NRXN1: variants seen among roughly 807,000 people sequenced by gnomAD.
The protein encoded by NRXN1 is neurexin-1.
NRXN1 carries 39 observed loss-of-function variants against 150.9 expected under a neutral mutation model. The observed-to-expected ratio is 0.26, with a 90% CI of 0.20 to 0.34. The LOEUF (loss-of-function observed/expected upper bound fraction) is 0.34, where lower values mean the gene tolerates loss of function less well. Ranked by LOEUF, NRXN1 falls within the 10% of genes least tolerant of loss-of-function variation. The pLI, the probability that NRXN1 is intolerant of heterozygous loss-of-function variation, is 1.00. For synonymous variants in NRXN1, 924 were observed against 757.0 expected, an observed-to-expected ratio of 1.22 and a Z score of -3.62; for missense variants, 1,815 against 1,949.9, an observed-to-expected ratio of 0.93 and a Z score of 1.30.
At chr2:50,286,195 T>C (rs200881017) in intron 17 of NRXN1, among the ~76,000 whole-genome samples, 9 of 152,254 alleles carry the variant, frequency 5.9e-5, no homozygotes, top group East Asian at 5.8e-4. Flanking sequence ...TATTGTTAAC[T>C]GCAGTCACCA....
rs1182626120 is a variant in NRXN1 at position 50,173,455 on chromosome 2, T to C, written c.3546+63334A>G. Reference sequence around the variant, plus strand: ...GACATACAAGACTCCTAACTGGATTTTGAAGATTGAGTACAGTATCCAAAA... The same window carrying C: ...GACATACAAGACTCCTAACTGGATTCTGAAGATTGAGTACAGTATCCAAAA... On this transcript the variant is annotated intron_variant, in intron 18 of 22. Coordinates refer to ENST00000401669, the MANE Select transcript of NRXN1 (RefSeq NM_001330078.2). Among the ~76,000 whole-genome samples the C allele has an allele frequency of 2.8e-4, 43 of 152,184 alleles. 1 individual carries two copies. Among genetic ancestry groups the C allele is most frequent in the Admixed American group, 2.8e-3 (43 of 15,282 alleles).
At chr2:50,553,269 C>T (rs1441929002) in intron 8 of NRXN1, among the ~76,000 whole-genome samples, 1 of 152,222 alleles carries the variant, frequency 6.6e-6, no homozygotes, top group Admixed American at 6.5e-5. Context: ...TGTGCATATA[C>T]ACACAAACTG....
rs532061794 is a variant in NRXN1, at chr2:50,016,935, T to C, written c.4128+36336A>G. Among the ~76,000 whole-genome samples, 21 of 152,094 alleles carry C rather than the reference T, an allele frequency of 1.4e-4. No homozygotes were observed. The South Asian group carries it at 4.1e-3, about 30-fold the overall frequency. On this transcript the variant is annotated intron_variant, in intron 21 of 22. Transcript: ENST00000401669. ...CTTAATAACTGGTAGAACAATAATA[T>C]CCGTAAGTAACAAAGAGCCTGGAAT...
intron 13 of NRXN1, among the ~76,000 whole-genome samples, chr2:50,501,385 A>ATGTGTGTGTG (rs1243086868): frequency 1.4e-5 from 1 of 73,516 alleles, no homozygotes; most frequent in Non-Finnish European, 3.0e-5. Context: ...TGACTCGTGT[A>ATGTGTGTGTG]TGTGTGTGTG....
intron 19 of NRXN1, among the ~76,000 whole-genome samples, chr2:50,079,767 T>C (rs941949622): frequency 6.6e-6 from 1 of 152,096 alleles, no homozygotes; most frequent in Non-Finnish European, 1.5e-5. Context: ...AATTATCTAG[T>C]AAGAGGAGCG....
At chr2:50,328,533 G>A (rs1394971176) in intron 17 of NRXN1, among the ~76,000 whole-genome samples, 1 of 151,968 alleles carries the variant, frequency 6.6e-6, no homozygotes, top group Non-Finnish European at 1.5e-5. Context: ...TCAGGAGTTC[G>A]AGACCAGCCT....
intron 5 of NRXN1, among the ~76,000 whole-genome samples, chr2:50,843,757 C>A (rs1046568996): frequency 1.3e-5 from 2 of 152,186 alleles, no homozygotes; most frequent in Non-Finnish European, 2.9e-5. Context: ...TGGTTAATTA[C>A]AGAAAACTCC....
intron 2 of NRXN1, among the ~76,000 whole-genome samples, chr2:51,026,202 T>C (rs555983449): frequency 1.8e-4 from 28 of 152,332 alleles, no homozygotes; most frequent in African/African-American, 6.0e-4. Context: ...CTTTTGTCCC[T>C]ATAGCTTTCG....
At chr2:50,975,055 A>G (rs1695610925) in intron 2 of NRXN1, among the ~76,000 whole-genome samples, 1 of 152,076 alleles carries the variant, frequency 6.6e-6, no homozygotes, top group South Asian at 2.1e-4. Flanking sequence ...GGGAATCCAC[A>G]AGGTTCTTTT....
At chr2:50,226,569 A>G (rs1056929565) in intron 18 of NRXN1, among the ~76,000 whole-genome samples, 2 of 151,936 alleles carry the variant, frequency 1.3e-5, no homozygotes, top group Admixed American at 1.3e-4. Context: ...TAAAGAGTGA[A>G]TGTGTGTGAG....
intron 21 of NRXN1, among the ~76,000 whole-genome samples, chr2:50,012,544 T>G (rs1237718048): frequency 6.6e-6 from 1 of 152,068 alleles, no homozygotes; most frequent in Non-Finnish European, 1.5e-5. Context: ...TTTTGAAAAT[T>G]TTGTCCTGAA....
rs760015829 is a variant in NRXN1 at position 50,921,828 on chromosome 2, T to G, written c.832+41A>C. On this transcript the variant is annotated intron_variant, in intron 5 of 22. Coordinates refer to ENST00000401669, the MANE Select transcript of NRXN1 (RefSeq NM_001330078.2). ...TTATGTAACTCAGACACACTGTAATTCATACAGATGATATTAAGAAGAAAT... is the reference window on the plus strand; with the variant it reads ...TTATGTAACTCAGACACACTGTAATGCATACAGATGATATTAAGAAGAAAT... 3.8e-6 allele frequency: 4 copies of G among 1,039,564 alleles called. No individual in the cohort carries two copies. The African/African-American group carries it at 5.0e-5, about 13-fold the overall frequency. The allele number at this position is 1,039,564 out of a possible 1,614,324, so 64.4% of individuals were successfully genotyped here. A position where few individuals can be genotyped will look rare whatever the true frequency, so the allele number is the denominator to read the frequency against.
intron 17 of NRXN1, among the ~76,000 whole-genome samples, chr2:50,244,824 G>A (rs1379593999): frequency 6.6e-6 from 1 of 151,800 alleles, no homozygotes; most frequent in African/African-American, 2.4e-5. Flanking sequence ...ACAAATATAT[G>A]TTATTCAACC....
intron 6 of NRXN1, among the ~76,000 whole-genome samples, chr2:50,622,676 T>A (rs6741643): frequency 0.025 from 3,810 of 152,220 alleles, 88 homozygotes; most frequent in East Asian, 0.11. Flanking sequence ...AAAGTTTTTT[T>A]AAAAAAATAC....
intron 5 of NRXN1, among the ~76,000 whole-genome samples, chr2:50,748,237 C>T (rs1053397134): frequency 3.3e-5 from 5 of 152,146 alleles, no homozygotes; most frequent in Admixed American, 3.3e-4. Flanking sequence ...CATGTTGCTC[C>T]TATAGAAAGA....
chr2:50,121,037 T>G (rs1703783055), intron 18 of NRXN1, among the ~76,000 whole-genome samples: 1 of 152,222 alleles, frequency 6.6e-6, no homozygotes, highest in Admixed American at 6.5e-5. Context: ...TTTTTGTTTA[T>G]TTTTTGAGAC....
intron 21 of NRXN1, among the ~76,000 whole-genome samples, chr2:50,042,601 T>C (rs1217994451): frequency 1.3e-5 from 2 of 152,168 alleles, no homozygotes; most frequent in African/African-American, 4.8e-5. Context: ...CTTAGCATCA[T>C]TTTATGCATT....
intron 17 of NRXN1, among the ~76,000 whole-genome samples, chr2:50,314,663 T>C (rs866059379): frequency 2.0e-5 from 3 of 152,138 alleles, no homozygotes; most frequent in East Asian, 1.9e-4. Flanking sequence ...AGTGGTTTAG[T>C]AGCATTGAAG....
chr2:50,752,022 C>G (rs1232147141), intron 5 of NRXN1, among the ~76,000 whole-genome samples: 1 of 151,988 alleles, frequency 6.6e-6, no homozygotes, highest in Non-Finnish European at 1.5e-5. Flanking sequence ...CACTCTAAAA[C>G]AGTCACTTTG....
Sources: gnomAD v4.1 joint callset for allele counts (sites outside exome capture counted in the v4.1 genomes callset) on GRCh38, gnomAD v4.1.1 for gene constraint, MANE v1.5 for transcripts, NCBI Gene and HGNC (gene_info 2026-07-23, HGNC 2026-07-21) for gene names.